Variants in PTPRM observed in about 807,000 individuals in gnomAD.
PTPRM encodes protein tyrosine phosphatase receptor type M, also known as receptor-type tyrosine-protein phosphatase mu.
A neutral mutation model predicts 186.7 loss-of-function variants in PTPRM; 47 were observed. The ratio of observed to expected loss-of-function variants is 0.25; its 90% confidence interval spans 0.20 to 0.32. The LOEUF (loss-of-function observed/expected upper bound fraction) is 0.32, where lower values mean the gene tolerates loss of function less well. Among genes scored for constraint, PTPRM ranks in the 10% least tolerant of loss-of-function variants. The pLI is 1.00. For missense variants in PTPRM, 1,494 were observed against 1,865.0 expected, an observed-to-expected ratio of 0.80 and a Z score of 3.66; for synonymous variants, 668 against 674.9, an observed-to-expected ratio of 0.99 and a Z score of 0.16.
intron 1 of PTPRM, among the ~76,000 whole-genome samples, chr18:7,765,767 C>T (rs2041988582): frequency 6.6e-6 from 1 of 151,920 alleles, no homozygotes; most frequent in Admixed American, 6.5e-5. Flanking sequence ...ATTGAGAGAC[C>T]CATTTAATAC....
intron 2 of PTPRM, among the ~76,000 whole-genome samples, chr18:7,801,214 G>C (rs2043949210): frequency 8.1e-6 from 1 of 122,922 alleles, no homozygotes; most frequent in Non-Finnish European, 1.9e-5. Context: ...ATAACACTTA[G>C]CTTAAAACAC....
chr18:7,868,344 GT>G (rs927109958), intron 2 of PTPRM, among the ~76,000 whole-genome samples: 1 of 151,816 alleles, frequency 6.6e-6, no homozygotes, highest in African/African-American at 2.4e-5. Flanking sequence ...TCTACCTTTG[GT>G]CTTTGATGTT....
chr18:7,841,725 A>G (rs1472103950), intron 2 of PTPRM, among the ~76,000 whole-genome samples: 2 of 152,206 alleles, frequency 1.3e-5, no homozygotes, highest in Non-Finnish European at 2.9e-5. Context: ...TAACTAGAAA[A>G]TGAAATGCCT....
intron 3 of PTPRM, among the ~76,000 whole-genome samples, chr18:7,894,066 G>A (rs2049217180): frequency 6.6e-6 from 1 of 152,128 alleles, no homozygotes. Flanking sequence ...AGCCAGGGGA[G>A]GGGCTTCCTT....
At chr18:8,133,839 T>C (rs2092573146) in intron 13 of PTPRM, among the ~76,000 whole-genome samples, 1 of 152,146 alleles carries the variant, frequency 6.6e-6, no homozygotes, top group South Asian at 2.1e-4. Context: ...AGTGACTTGA[T>C]TGGAGCTATT....
intron 1 of PTPRM, among the ~76,000 whole-genome samples, chr18:7,752,810 C>T (rs1286236463): frequency 6.6e-6 from 1 of 152,010 alleles, no homozygotes; most frequent in Non-Finnish European, 1.5e-5. Flanking sequence ...GAGAAAACTA[C>T]GTACCTAGAT....
At chr18:8,092,765 G>A (rs1055414634) in intron 11 of PTPRM, among the ~76,000 whole-genome samples, 1 of 152,066 alleles carries the variant, frequency 6.6e-6, no homozygotes, top group African/African-American at 2.4e-5. Flanking sequence ...AGGAGTTTGA[G>A]ACCACCCTGG....
intron 19 of PTPRM, among the ~76,000 whole-genome samples, chr18:8,281,924 C>T (rs1424213387): frequency 6.6e-6 from 1 of 152,052 alleles, no homozygotes; most frequent in Non-Finnish European, 1.5e-5. Context: ...CAAAAGCATT[C>T]TCCATTAAAG....
chr18:7,824,237 T>C (rs1227340774), intron 2 of PTPRM, among the ~76,000 whole-genome samples: 1 of 152,212 alleles, frequency 6.6e-6, no homozygotes, highest in East Asian at 1.9e-4. Flanking sequence ...CACTTTCCTG[T>C]GCTGCATTTG....
At chr18:8,245,747 C>T (rs905319477) in intron 15 of PTPRM, among the ~76,000 whole-genome samples, 4 of 152,192 alleles carry the variant, frequency 2.6e-5, no homozygotes, top group Non-Finnish European at 4.4e-5. Flanking sequence ...TCCAAATCTT[C>T]TATTTCATGG....
At chr18:8,252,287 G>A (rs1374900055) in intron 17 of PTPRM, among the ~76,000 whole-genome samples, 2 of 152,176 alleles carry the variant, frequency 1.3e-5, no homozygotes, top group African/African-American at 4.8e-5. Context: ...TTTTGTTATG[G>A]AGTACTTAAA....
At chr18:7,837,238 A>T (rs1049384218) in intron 2 of PTPRM, among the ~76,000 whole-genome samples, 2 of 152,046 alleles carry the variant, frequency 1.3e-5, no homozygotes, top group Non-Finnish European at 2.9e-5. Flanking sequence ...TGTATTTTCA[A>T]ATAGCTGGTC....
intron 1 of PTPRM, among the ~76,000 whole-genome samples, chr18:7,629,284 AT>A (rs1435379199): frequency 1.3e-5 from 2 of 152,210 alleles, no homozygotes; most frequent in African/African-American, 4.8e-5. Flanking sequence ...AAATGCCGAG[AT>A]TAGAGAATTT....
At chr18:7,765,738 T>G (rs2144814251) in intron 1 of PTPRM, among the ~76,000 whole-genome samples, 1 of 152,330 alleles carries the variant, frequency 6.6e-6, no homozygotes, top group South Asian at 2.1e-4. Flanking sequence ...GTAGCACTAT[T>G]TTTTGATCTG....
intron 1 of PTPRM, among the ~76,000 whole-genome samples, chr18:7,643,456 C>T (rs535886634): frequency 5.6e-4 from 86 of 152,276 alleles, no homozygotes; most frequent in African/African-American, 2.1e-3. Flanking sequence ...TCTTCTGTCT[C>T]AGCCTCCCGA....
chr18:7,880,414 C>T (rs764195990), intron 2 of PTPRM, among the ~76,000 whole-genome samples: 9 of 152,078 alleles, frequency 5.9e-5, no homozygotes, highest in South Asian at 2.1e-4. Context: ...ACAGGGCAAA[C>T]GGAAAGAAAA....
chr18:8,183,250 C>G (rs1345193015), intron 14 of PTPRM, among the ~76,000 whole-genome samples: 1 of 152,032 alleles, frequency 6.6e-6, no homozygotes, highest in Non-Finnish European at 1.5e-5. Flanking sequence ...AAATATTTAA[C>G]TCTTACAAGT....
At chr18:7,761,766 A>G (rs1156597101) in intron 1 of PTPRM, among the ~76,000 whole-genome samples, 2 of 151,980 alleles carry the variant, frequency 1.3e-5, no homozygotes, top group African/African-American at 4.8e-5. Context: ...TTTCCTCCCT[A>G]GTGCCTGACA....
chr18:8,117,352 A>G (rs1319261913), intron 13 of PTPRM, among the ~76,000 whole-genome samples: 1 of 152,208 alleles, frequency 6.6e-6, no homozygotes, highest in Non-Finnish European at 1.5e-5. Flanking sequence ...TTCCTAAGCA[A>G]CATTTTGAAT....
Sources: allele counts gnomAD v4.1 joint callset (sites outside exome capture counted in the v4.1 genomes callset), GRCh38; gene constraint gnomAD v4.1.1; transcripts MANE v1.5; gene names NCBI Gene and HGNC (gene_info 2026-07-23, HGNC 2026-07-21).